GRAMD1B: variants seen among roughly 807,000 people sequenced by gnomAD.
GRAMD1B encodes GRAM domain containing 1B, also known as protein Aster-B.
Under a neutral mutation model 99.7 loss-of-function variants are expected in GRAMD1B, and 37 were observed. The observed-to-expected ratio is 0.37, with a 90% CI of 0.29 to 0.49. The LOEUF (loss-of-function observed/expected upper bound fraction) is 0.49. Among genes scored for constraint, GRAMD1B ranks in the 20% least tolerant of loss-of-function variants. The pLI, the probability that GRAMD1B is intolerant of heterozygous loss-of-function variation, is 0.98. For synonymous variants in GRAMD1B, 427 were observed against 387.6 expected (o/e 1.10, Z -1.19); for missense variants, 888 against 1,009.2 (o/e 0.88, Z 1.63).
In GRAMD1B at chr11:123,530,199, AT is replaced by A. The variant is rs11405902; in HGVS notation, c.453-47155del. ...TCTTCACAGGTAGCTGGGAGGGTCC[AT>A]TTTTTTTTTTTTCTACTTCTCCATA... On this transcript the variant is annotated intron_variant, in intron 2 of 19. Transcript: ENST00000635736. Among the ~76,000 whole-genome samples the A allele has an allele frequency of 8.1e-3, 1,188 of 145,786 alleles. 23 individuals carry two copies. The highest frequency in any genetic ancestry group is 0.028 in the African/African-American group (1,109 of 39,756).
intron 7 of GRAMD1B, 29 bp downstream of exon 7, chr11:123,596,066 A>ATT: frequency 8.3e-7 from 1 of 1,198,136 alleles, no homozygotes; most frequent in Non-Finnish European, 1.2e-6. Flanking sequence ...TGGCCTTTCT[A>ATT]ATCCTCCCTT....
At chr11:123,463,451 G>T (rs1950529271) in intron 1 of GRAMD1B, among the ~76,000 whole-genome samples, 1 of 152,238 alleles carries the variant, frequency 6.6e-6, no homozygotes, top group African/African-American at 2.4e-5. Context: ...TTTATTCCTA[G>T]TATTAAATAC....
chr11:123,585,958 C>T (rs1370638573), intron 4 of GRAMD1B, among the ~76,000 whole-genome samples: 2 of 152,176 alleles, frequency 1.3e-5, no homozygotes, highest in African/African-American at 2.4e-5. Context: ...TTTCTGACTC[C>T]ACCCCTTTCC....
chr11:123,415,390 C>T (rs1948201488), intron 1 of GRAMD1B, among the ~76,000 whole-genome samples: 1 of 152,032 alleles, frequency 6.6e-6, no homozygotes, highest in Admixed American at 6.6e-5. Flanking sequence ...CGTGAGCCAC[C>T]GTGACCAGCC....
rs1416871584 is a variant in GRAMD1B at position 123,626,551 on chromosome 11, C to T, written c.*3956C>T. The T allele has an allele frequency of 6.6e-6, 1 of 152,236 alleles. No homozygotes were observed. Among genetic ancestry groups the T allele is most frequent in the African/African-American group, 2.4e-5 (1 of 41,434 alleles). The allele number at this position is 152,236 out of a possible 1,614,324, so 9.4% of individuals were successfully genotyped here. A position where few individuals can be genotyped will look rare whatever the true frequency, so the allele number is the denominator to read the frequency against. ...GGCAGCCAAAGCCAGCCCTTTTCTC[C>T]TACTGCCCCCAGGAGAAATAGCACT... On this transcript the variant is annotated 3_prime_UTR_variant, in exon 20 of 20. Transcript: ENST00000635736.
intron 3 of GRAMD1B, among the ~76,000 whole-genome samples, chr11:123,582,708 G>T (rs1249800332): frequency 1.3e-5 from 2 of 152,248 alleles, no homozygotes; most frequent in Non-Finnish European, 2.9e-5. Flanking sequence ...ACAGAGTTCA[G>T]GTGGAATGGG....
chr11:123,438,823 T>C (rs1217864749), intron 1 of GRAMD1B, among the ~76,000 whole-genome samples: 2 of 152,176 alleles, frequency 1.3e-5, no homozygotes, highest in East Asian at 3.9e-4. Flanking sequence ...TAATTGCTTC[T>C]AGGGTAACGC....
At chr11:123,445,971 T>A (rs1307066255) in intron 1 of GRAMD1B, among the ~76,000 whole-genome samples, 3 of 152,146 alleles carry the variant, frequency 2.0e-5, no homozygotes, top group African/African-American at 7.2e-5. Context: ...TCCCCCACAG[T>A]ACAATCCACA....
At chr11:123,391,496 AC>A (rs1420391065) in intron 1 of GRAMD1B, among the ~76,000 whole-genome samples, 2 of 152,102 alleles carry the variant, frequency 1.3e-5, no homozygotes, top group Non-Finnish European at 2.9e-5. Context: ...TCGTTCTGTC[AC>A]CCAGGCTGGA....
At chr11:123,399,388 T>A (rs1342848406) in intron 1 of GRAMD1B, among the ~76,000 whole-genome samples, 2 of 152,230 alleles carry the variant, frequency 1.3e-5, no homozygotes, top group African/African-American at 4.8e-5. Context: ...AGTGCTGCAA[T>A]GAACATGGAA....
At chr11:123,549,188 C>T (rs1945361498) in intron 2 of GRAMD1B, among the ~76,000 whole-genome samples, 1 of 152,154 alleles carries the variant, frequency 6.6e-6, no homozygotes. Context: ...TGCTTCACTT[C>T]CTATGGCCAC....
intron 4 of GRAMD1B, among the ~76,000 whole-genome samples, chr11:123,589,209 G>A (rs898827347): frequency 1.3e-5 from 2 of 151,592 alleles, no homozygotes; most frequent in African/African-American, 2.4e-5. Flanking sequence ...AACATATCAC[G>A]GCAAGTGCAG....
intron 19 of GRAMD1B, among the ~76,000 whole-genome samples, chr11:123,620,769 C>T (rs1955031632): frequency 6.6e-6 from 1 of 152,210 alleles, no homozygotes; most frequent in Admixed American, 6.5e-5. Context: ...GAGCGCTGAA[C>T]TAGAGCTAGA....
chr11:123,615,750 A>T (rs1184682205), intron 17 of GRAMD1B, among the ~76,000 whole-genome samples: 1 of 152,240 alleles, frequency 6.6e-6, no homozygotes, highest in Non-Finnish European at 1.5e-5. Flanking sequence ...ATTTCTGCTG[A>T]TGTGGTCCTG....
chr11:123,405,415 A>G (rs1947821959), intron 1 of GRAMD1B, among the ~76,000 whole-genome samples: 2 of 152,034 alleles, frequency 1.3e-5, no homozygotes, highest in African/African-American at 4.8e-5. Flanking sequence ...GGCAGTGGAG[A>G]GGGGCCAGCG....
chr11:123,502,953 A>C (rs1218769333), intron 2 of GRAMD1B, among the ~76,000 whole-genome samples: 1 of 152,198 alleles, frequency 6.6e-6, no homozygotes, highest in Admixed American at 6.5e-5. Context: ...TTGTTTGCTC[A>C]TGTGATCCCG....
chr11:123,486,314 G>A (rs1035839179), intron 2 of GRAMD1B, among the ~76,000 whole-genome samples: 9 of 152,148 alleles, frequency 5.9e-5, no homozygotes, highest in Non-Finnish European at 8.8e-5. Flanking sequence ...TGGGGAGGCC[G>A]ACGTGGGTGG....
intron 1 of GRAMD1B, among the ~76,000 whole-genome samples, chr11:123,475,631 G>T (rs1319861258): frequency 6.6e-6 from 1 of 152,146 alleles, no homozygotes; most frequent in Non-Finnish European, 1.5e-5. Flanking sequence ...TCAGTCATCC[G>T]GTGCCCAGGC....
intron 1 of GRAMD1B, among the ~76,000 whole-genome samples, chr11:123,418,222 C>A (rs1364211631): frequency 6.6e-6 from 1 of 152,072 alleles, no homozygotes; most frequent in Non-Finnish European, 1.5e-5. Context: ...AACGGAAAAC[C>A]GTGGAAGAGG....
Sources: allele counts gnomAD v4.1 joint callset (sites outside exome capture counted in the v4.1 genomes callset), GRCh38; gene constraint gnomAD v4.1.1; transcripts MANE v1.5; gene names NCBI Gene and HGNC (gene_info 2026-07-23, HGNC 2026-07-21).